Variants in GNPDA2 observed in about 807,000 individuals in gnomAD.
GNPDA2 encodes glucosamine-6-phosphate deaminase 2, also known as glcN6P deaminase 2.
Under a neutral mutation model 27.0 loss-of-function variants are expected in GNPDA2, and 24 were observed. The ratio of observed to expected loss-of-function variants is 0.89; its 90% confidence interval spans 0.64 to 1.25. The LOEUF is 1.25. GNPDA2 is among the 50% of genes most tolerant of loss of function. GNPDA2 has a pLI of 0.00. For synonymous variants in GNPDA2, 94 were observed against 108.4 expected, an observed-to-expected ratio of 0.87 and a Z score of 0.83; for missense variants, 286 against 335.1, an observed-to-expected ratio of 0.85 and a Z score of 1.14.
rs974280530 is a variant in GNPDA2 at position 44,702,959 on chromosome 4, G to A, written c.*122C>T. ...TATGGAATGTTTAACATAGAGACTC[G>A]AATGAAAAAATGACAATCTTCAAAA... is the stretch of plus-strand genomic sequence containing the variant. On this transcript the variant is annotated 3_prime_UTR_variant, in exon 7 of 7. Transcript: ENST00000295448. 4.9e-5 allele frequency: 75 copies of A among 1,528,236 alleles called. No individual in the cohort carries two copies. In the Middle Eastern group the frequency reaches 7.1e-4, roughly 15 times the overall value. 94.7% of individuals were successfully genotyped at this position (1,528,236 alleles called of 1,614,324 possible). A position where few individuals can be genotyped will look rare whatever the true frequency, so the allele number is the denominator to read the frequency against.
chr4:44,713,664 G>C (rs1717106615), intron 4 of GNPDA2, among the ~76,000 whole-genome samples: 1 of 152,140 alleles, frequency 6.6e-6, no homozygotes. Context: ...TGGATCACCA[G>C]AGGTCAGGAG....
intron 5 of GNPDA2, among the ~76,000 whole-genome samples, chr4:44,710,336 T>C (rs1329720059): frequency 1.3e-5 from 2 of 152,190 alleles, no homozygotes; most frequent in African/African-American, 2.4e-5. Context: ...TGGGTTTCCA[T>C]ATAATTTAAC....
At chr4:44,713,833 T>G (rs531207341) in intron 4 of GNPDA2, among the ~76,000 whole-genome samples, 232 of 152,106 alleles carry the variant, frequency 1.5e-3, no homozygotes, top group African/African-American at 5.3e-3. Context: ...TAAGCCAAGA[T>G]CAAGCCACTG....
intron 1 of GNPDA2, among the ~76,000 whole-genome samples, chr4:44,725,614 CAG>C (rs34488774): frequency 0.026 from 3,949 of 152,272 alleles, 160 homozygotes; most frequent in African/African-American, 0.089. Context: ...CTGGAGGGCG[CAG>C]AGTCACCTCC....
chr4:44,706,629 G>T (rs1045178327), intron 6 of GNPDA2: 10 of 151,596 alleles, frequency 6.6e-5, no homozygotes, highest in African/African-American at 2.2e-4. Flanking sequence ...GCTATAAATT[G>T]TAAGACACAC....
chr4:44,709,354 ATG>A (rs1156623117), intron 5 of GNPDA2, among the ~76,000 whole-genome samples: 2 of 152,164 alleles, frequency 1.3e-5, no homozygotes, highest in Non-Finnish European at 2.9e-5. Flanking sequence ...TTGATCTGAT[ATG>A]TGATTAGTTA....
At chr4:44,709,420 C>T (rs1304847657) in intron 5 of GNPDA2, among the ~76,000 whole-genome samples, 1 of 152,078 alleles carries the variant, frequency 6.6e-6, no homozygotes, top group African/African-American at 2.4e-5. Flanking sequence ...TGGGAAAGGA[C>T]AAACTATATG....
At chr4:44,711,836 T>C (rs1474177319) in intron 4 of GNPDA2, among the ~76,000 whole-genome samples, 23 of 135,506 alleles carry the variant, frequency 1.7e-4, no homozygotes, top group Non-Finnish European at 3.7e-4. Context: ...TATACACATA[T>C]ACAACACAAA....
At chr4:44,707,975 G>A (rs778496849) in intron 5 of GNPDA2, 49 bp from the exon 6 acceptor site, 4 of 1,336,618 alleles carry the variant, frequency 3.0e-6, no homozygotes, top group African/African-American at 3.0e-5. Flanking sequence ...AAATGAGTAA[G>A]AAGCTCTATT....
At chr4:44,707,982 T>C (rs549554051) in intron 5 of GNPDA2, 56 bp from the exon 6 acceptor site, 2 of 1,274,476 alleles carry the variant, frequency 1.6e-6, no homozygotes, top group South Asian at 1.8e-5. Context: ...TAAGAAGCTC[T>C]ATTTTTTTTA....
intron 2 of GNPDA2, among the ~76,000 whole-genome samples, chr4:44,719,864 G>A (rs1717560064): frequency 6.6e-6 from 1 of 151,998 alleles, no homozygotes; most frequent in African/African-American, 2.4e-5. Context: ...ACACAATTTA[G>A]CAAGTACCTA....
intron 6 of GNPDA2, chr4:44,704,746 T>C: frequency 1.0e-6 from 1 of 984,478 alleles, no homozygotes; most frequent in Non-Finnish European, 1.2e-6. Flanking sequence ...AAAGGTTAAA[T>C]GTCACAGATT....
intron 2 of GNPDA2, among the ~76,000 whole-genome samples, chr4:44,719,423 T>C (rs1392495301): frequency 6.6e-6 from 1 of 152,022 alleles, no homozygotes; most frequent in Non-Finnish European, 1.5e-5. Context: ...TGCCTCTTGT[T>C]TGAGATGTCA....
chr4:44,714,216 C>G (rs1717147417), intron 4 of GNPDA2: 1 of 717,980 alleles, frequency 1.4e-6, no homozygotes, highest in Non-Finnish European at 1.7e-6. Context: ...CTCAGGTGAT[C>G]TGCGCACCTC....
Position 44,717,182 on chromosome 4 carries a change from A to G in GNPDA2, c.340T>C (p.Leu114=). The G allele has an allele frequency of 6.2e-7, 1 of 1,609,472 alleles. No homozygotes were observed. The highest frequency in any genetic ancestry group is 8.5e-7 in the Non-Finnish European group (1 of 1,177,508). Residue 114 remains leucine (L), a synonymous_variant, in exon 4 of 7, where the codon TTA becomes CTA. Transcript: ENST00000295448. ...AHILDGNAAD[L]QAECDAFENK... ...TCAAAAGCATCACATTCTGCTTGTA[A>G]ATCTGCAGCATTCCCGTCAAGGATA...
At chr4:44,717,330 T>C (rs1249931721) in intron 3 of GNPDA2, 35 bp from the exon 4 acceptor site, 1 of 1,176,482 alleles carries the variant, frequency 8.5e-7, no homozygotes, top group African/African-American at 1.6e-5. Context: ...TAAGTATTCC[T>C]GAAATAAATC....
At chr4:44,724,431 T>TTGAGTTCTTTGAGAAATGGTAG (rs1717885937) in intron 1 of GNPDA2, among the ~76,000 whole-genome samples, 1 of 152,206 alleles carries the variant, frequency 6.6e-6, no homozygotes, top group Admixed American at 6.5e-5. Flanking sequence ...GTAGTTCTAT[T>TTGAGTTCTTTGAGAAATGGTAG]TTCAGTTCTT....
chr4:44,705,589 A>T (rs866840374), intron 6 of GNPDA2: 4 of 407,292 alleles, frequency 9.8e-6, no homozygotes, highest in Non-Finnish European at 9.9e-6. Context: ...ATTATCTAAC[A>T]TATGTCGATA....
chr4:44,703,483 T>C, intron 6 of GNPDA2: 1 of 1,017,862 alleles, frequency 9.8e-7, no homozygotes, highest in Middle Eastern at 4.9e-4. Flanking sequence ...TCTAAAAGTC[T>C]ATGTTGATAT....
Sources: allele counts gnomAD v4.1 joint callset (sites outside exome capture counted in the v4.1 genomes callset), GRCh38; gene constraint gnomAD v4.1.1; transcripts MANE v1.5; gene names NCBI Gene and HGNC (gene_info 2026-07-23, HGNC 2026-07-21).